Variants in SRPK2 observed in about 807,000 individuals in gnomAD.
The protein encoded by SRPK2 is SFRS protein kinase 2.
SRPK2 carries 21 observed loss-of-function variants against 90.8 expected under a neutral mutation model. The observed-to-expected ratio is 0.23, with a 90% CI of 0.16 to 0.33. SRPK2 has a LOEUF of 0.33. Among genes scored for constraint, SRPK2 ranks in the 10% least tolerant of loss-of-function variants. The probability of loss-of-function intolerance (pLI) is 1.00; values close to 1 mark genes in which losing one functional copy is unlikely to be tolerated. For synonymous variants in SRPK2, 288 were observed against 311.1 expected (o/e 0.93, Z 0.78); for missense variants, 620 against 869.0 (o/e 0.71, Z 3.60).
chr7:105,340,357 A>C (rs1337807091), intron 2 of SRPK2, among the ~76,000 whole-genome samples: 3 of 149,448 alleles, frequency 2.0e-5, no homozygotes, highest in Non-Finnish European at 4.5e-5. Flanking sequence ...CATATAAATT[A>C]TGGTTATGCA....
chr7:105,280,796 A>G (rs1807188059), intron 2 of SRPK2, among the ~76,000 whole-genome samples: 1 of 150,950 alleles, frequency 6.6e-6, no homozygotes, highest in Non-Finnish European at 1.5e-5. Flanking sequence ...AAATACAAAA[A>G]ATTAGCCGGG....
intron 6 of SRPK2, among the ~76,000 whole-genome samples, chr7:105,165,860 C>A (rs1322133331): frequency 6.6e-6 from 1 of 152,192 alleles, no homozygotes; most frequent in Non-Finnish European, 1.5e-5. Flanking sequence ...TGGGTCCACA[C>A]CAACTTTAAG....
intron 2 of SRPK2, among the ~76,000 whole-genome samples, chr7:105,343,820 T>G (rs1816119161): frequency 6.6e-6 from 1 of 152,170 alleles, no homozygotes; most frequent in Admixed American, 6.6e-5. Flanking sequence ...TGGAGTGCAA[T>G]GGTGCCATCT....
intron 2 of SRPK2, among the ~76,000 whole-genome samples, chr7:105,279,737 A>T (rs1807012144): frequency 6.6e-6 from 1 of 152,200 alleles, no homozygotes; most frequent in Admixed American, 6.5e-5. Context: ...ATCTCTGAAA[A>T]CTATCTAAAG....
At position 105,330,828 on chromosome 7, in the gene SRPK2, A is replaced by G. The variant is rs896637956; in HGVS notation, c.71+57820T>C. Among the ~76,000 whole-genome samples, 10 of 152,234 alleles carry G rather than the reference A, an allele frequency of 6.6e-5. No individual in the cohort carries two copies. In the South Asian group the frequency reaches 2.1e-3, roughly 32 times the overall value. On this transcript the variant is annotated intron_variant, in intron 2 of 15. Transcript: ENST00000393651. ...GACACCTGTCTCTATTTAAAAAAAA[A>G]AGAAAAAGAAAATAAATTAGCCAGC...
At chr7:105,379,435 A>G (rs1394810768) in intron 2 of SRPK2, among the ~76,000 whole-genome samples, 1 of 152,056 alleles carries the variant, frequency 6.6e-6, no homozygotes, top group African/African-American at 2.4e-5. Flanking sequence ...TCCCAGAACC[A>G]ATCCTCCAAG....
At chr7:105,209,193 A>C (rs536923749) in intron 2 of SRPK2, among the ~76,000 whole-genome samples, 1 of 152,360 alleles carries the variant, frequency 6.6e-6, no homozygotes, top group African/African-American at 2.4e-5. Flanking sequence ...CTAAGGGTCC[A>C]AAGTTTAAAC....
chr7:105,282,387 G>C (rs12532188), intron 2 of SRPK2, among the ~76,000 whole-genome samples: 1 of 152,022 alleles, frequency 6.6e-6, no homozygotes, highest in African/African-American at 2.4e-5. Flanking sequence ...ACATAGAAAT[G>C]AATCTTCATA....
intron 4 of SRPK2, 72 bp from the exon 5 acceptor site, chr7:105,168,167 G>A: frequency 1.6e-6 from 2 of 1,263,832 alleles, no homozygotes; most frequent in South Asian, 1.4e-5. Flanking sequence ...TATCCAGGTT[G>A]AGCATCCCTA....
chr7:105,282,864 G>A (rs1807526857), intron 2 of SRPK2, among the ~76,000 whole-genome samples: 1 of 146,430 alleles, frequency 6.8e-6, no homozygotes, highest in African/African-American at 2.6e-5. Context: ...CCCACAAGAT[G>A]GGAGAAAATA....
intron 2 of SRPK2, among the ~76,000 whole-genome samples, chr7:105,347,640 G>C (rs1370840200): frequency 1.3e-5 from 2 of 151,950 alleles, no homozygotes; most frequent in South Asian, 4.2e-4. Context: ...GATCGCTTGA[G>C]TCCAGGAGTT....
chr7:105,397,143 G>A (rs1240190639), intron 1 of SRPK2, among the ~76,000 whole-genome samples: 5 of 151,764 alleles, frequency 3.3e-5, no homozygotes, highest in East Asian at 1.9e-4. Flanking sequence ...TCAGCTTCCC[G>A]AGTAGCTGGG....
At chr7:105,141,493 C>T (rs1013689674) in intron 11 of SRPK2, among the ~76,000 whole-genome samples, 1 of 152,190 alleles carries the variant, frequency 6.6e-6, no homozygotes, top group Non-Finnish European at 1.5e-5. Context: ...CATTTAAATC[C>T]ATGCCAATTC....
At chr7:105,333,987 A>G (rs1389691930) in intron 2 of SRPK2, among the ~76,000 whole-genome samples, 2 of 152,270 alleles carry the variant, frequency 1.3e-5, no homozygotes, top group East Asian at 3.9e-4. Flanking sequence ...CAGTGGCGCG[A>G]TCTCAGCTCA....
chr7:105,391,656 C>G (rs1822186437), upstream of SRPK2, among the ~76,000 whole-genome samples: 1 of 151,728 alleles, frequency 6.6e-6, no homozygotes, highest in Admixed American at 6.6e-5. Context: ...GCCTGGGCAA[C>G]AGAGTGAGAC....
intron 3 of SRPK2, among the ~76,000 whole-genome samples, chr7:105,174,686 T>C (rs566113001): frequency 1.3e-5 from 2 of 152,288 alleles, no homozygotes; most frequent in South Asian, 2.1e-4. Context: ...CAAGCAGACA[T>C]AAAATCAGTA....
At chr7:105,222,516 G>C (rs1166418634) in intron 2 of SRPK2, among the ~76,000 whole-genome samples, 2 of 152,138 alleles carry the variant, frequency 1.3e-5, no homozygotes, top group Non-Finnish European at 2.9e-5. Context: ...GCAGAAAATA[G>C]TTTTTTAACC....
intron 2 of SRPK2, among the ~76,000 whole-genome samples, chr7:105,335,938 T>C (rs1453085168): frequency 1.3e-5 from 2 of 150,658 alleles, no homozygotes; most frequent in African/African-American, 2.4e-5. Context: ...CCTGGGCAAC[T>C]AGAGCAAAAC....
At chr7:105,167,093 C>CA (rs142346494) in intron 6 of SRPK2, among the ~76,000 whole-genome samples, 8,255 of 151,780 alleles carry the variant, frequency 0.054, 318 homozygotes, top group Non-Finnish European at 0.091. Context: ...TCTACCACCA[C>CA]AAAAAAAACT....
Sources: allele counts gnomAD v4.1 joint callset (sites outside exome capture counted in the v4.1 genomes callset), GRCh38; gene constraint gnomAD v4.1.1; transcripts MANE v1.5; gene names NCBI Gene and HGNC (gene_info 2026-07-23, HGNC 2026-07-21).